CFAP92: variants seen among roughly 807,000 people sequenced by gnomAD.
CFAP92 encodes uncharacterized protein CFAP92.
Under a neutral mutation model 106.3 loss-of-function variants are expected in CFAP92, and 86 were observed. That is an observed-to-expected ratio of 0.81 (90% confidence interval 0.68 to 0.97). The LOEUF is 0.97. Among genes scored for constraint, CFAP92 ranks in the 50% least tolerant of loss-of-function variants. CFAP92 has a pLI of 0.00. For missense variants in CFAP92, 1,204 were observed against 1,283.8 expected (o/e 0.94, Z 0.95); for synonymous variants, 477 against 506.4 (o/e 0.94, Z 0.78).
intron 10 of CFAP92, among the ~76,000 whole-genome samples, chr3:128,935,752 G>A (rs1938942188): frequency 6.6e-6 from 1 of 152,140 alleles, no homozygotes; most frequent in Non-Finnish European, 1.5e-5. Context: ...CAGGCAGGTG[G>A]AGGCTGCAGC....
At chr3:129,000,017 T>C (rs760365094) in intron 1 of CFAP92, among the ~76,000 whole-genome samples, 3 of 152,224 alleles carry the variant, frequency 2.0e-5, no homozygotes, top group Non-Finnish European at 4.4e-5. Context: ...TTGTTCTTGT[T>C]ATGTAAGCAT....
chr3:128,988,122 G>T (rs575586207), intron 3 of CFAP92, among the ~76,000 whole-genome samples: 5 of 152,282 alleles, frequency 3.3e-5, no homozygotes, highest in Non-Finnish European at 5.9e-5. Flanking sequence ...GAGTGTGTGT[G>T]TGCAGGTAGT....
At position 128,971,365 on chromosome 3, in the gene CFAP92, C is replaced by T. The variant is rs1378550333; in HGVS notation, c.1090G>A (p.Glu364Lys). 9 of 1,613,370 alleles carry T rather than the reference C, an allele frequency of 5.6e-6. No homozygotes were observed. The highest frequency in any genetic ancestry group is 1.1e-5 in the South Asian group (1 of 91,024). ...GGGCCTGTCAGCGTGGGGTCTGCCT[C>T]TTCTTCTGCCAGGGGCTTCTTATGT... ...RRHKKPLAEE[E>K]ADPTLTGPRK... Residue 364 changes from glutamate to lysine, a missense_variant, in exon 8 of 16, where the codon GAG becomes AAG. Glu to Lys is a moderately conservative substitution (Grantham distance 56). Coordinates refer to ENST00000645291, the MANE Select transcript of CFAP92 (RefSeq NM_001394090.1).
At chr3:128,971,202 G>C in intron 8 of CFAP92, 85 bp downstream of exon 8, 1 of 1,601,638 alleles carries the variant, frequency 6.2e-7, no homozygotes. Context: ...GCACGCAGCA[G>C]GGTTGTCATT....
In CFAP92 at chr3:128,916,181, C is replaced by T. The variant is rs571085668; in HGVS notation, c.2842G>A (p.Val948Ile). Residue 948 changes from valine to isoleucine, a missense_variant, in exon 13 of 16, where the codon GTC (valine) becomes ATC (isoleucine). Coordinates refer to ENST00000645291, the MANE Select transcript of CFAP92 (RefSeq NM_001394090.1). ...ATGGTCTGGGTACTATAGTTGTAGA[C>T]GGCCTTGTTGGCAGGGGCTGAAATT... is the stretch of plus-strand genomic sequence containing the variant. ...IKISAPANKA[V>I]YNYSTQTMNS... is the part of the protein sequence containing the mutation. 2.4e-5 allele frequency: 29 copies of T among 1,231,994 alleles called. No homozygotes were observed. Among genetic ancestry groups the T allele is most frequent in the Middle Eastern group, 3.1e-4 (1 of 3,230 alleles). The allele number at this position is 1,231,994 out of a possible 1,614,324, so 76.3% of individuals were successfully genotyped here.
At position 128,943,197 on chromosome 3, in the gene CFAP92, C is replaced by T. The variant is rs1463281851; in HGVS notation, c.2258+1874G>A. Among the ~76,000 whole-genome samples the T allele has an allele frequency of 7.2e-5, 11 of 152,168 alleles. No individual in the cohort carries two copies. The East Asian group carries it at 1.6e-3, about 21-fold the overall frequency. ...CCTCCCAAAGTGCTGGGATTCCAGG[C>T]GTGAGCCACTGTGCCCGGCAAAACT... On this transcript the variant is annotated intron_variant, in intron 10 of 15. Coordinates refer to ENST00000645291, the MANE Select transcript of CFAP92 (RefSeq NM_001394090.1).
At chr3:128,910,883 C>A (rs904198884) in intron 15 of CFAP92, 66 of 1,559,292 alleles carry the variant, frequency 4.2e-5, no homozygotes, top group Non-Finnish European at 8.8e-6. Context: ...TGAGCTGTTT[C>A]TGGACCCTGT....
rs149683775 is a variant in CFAP92, at chr3:128,928,109, C to T, written c.2751+4591G>A. ...CTACTAAAAAATACAAAAAATTAGC[C>T]GGGAGTGGTGGCGGGTATGTGTAGT... On this transcript the variant is annotated intron_variant, in intron 12 of 15. Coordinates refer to ENST00000645291, the MANE Select transcript of CFAP92 (RefSeq NM_001394090.1). 2.6e-3 allele frequency among the ~76,000 whole-genome samples: 397 copies of T among 151,884 alleles called. 1 individual carries two copies. Among genetic ancestry groups the T allele is most frequent in the African/African-American group, 9.2e-3 (380 of 41,432 alleles).
intron 2 of CFAP92, chr3:128,991,706 A>G: frequency 1.0e-6 from 1 of 977,280 alleles, no homozygotes. Context: ...CAAGGCGTTC[A>G]TTGAAACAGC....
At chr3:128,964,140 AG>A (rs1224621280) in intron 9 of CFAP92, among the ~76,000 whole-genome samples, 10 of 152,218 alleles carry the variant, frequency 6.6e-5, no homozygotes, top group Non-Finnish European at 1.5e-4. Flanking sequence ...TCAGGCTCTT[AG>A]TAGGTTTCAG....
intron 11 of CFAP92, 131 bp from the exon 12 acceptor site, chr3:128,933,128 T>A: frequency 1.2e-6 from 1 of 814,944 alleles, no homozygotes; most frequent in Non-Finnish European, 1.9e-6. Flanking sequence ...AGCTTGTGAC[T>A]AAAGAGCTCC....
At chr3:129,002,249 TAGC>T in intron 1 of CFAP92, 1 of 1,531,224 alleles carries the variant, frequency 6.5e-7, no homozygotes, top group Non-Finnish European at 8.7e-7. Context: ...AGGAGGAGAA[TAGC>T]AGCTTGCGCG....
chr3:128,929,418 C>G (rs1217131576), intron 12 of CFAP92, among the ~76,000 whole-genome samples: 3 of 152,128 alleles, frequency 2.0e-5, no homozygotes, highest in Admixed American at 2.0e-4. Flanking sequence ...CAATTCCACT[C>G]CTAGGTTCTA....
At chr3:128,917,360 T>G (rs1337149422) in intron 12 of CFAP92, among the ~76,000 whole-genome samples, 3 of 152,212 alleles carry the variant, frequency 2.0e-5, no homozygotes, top group Non-Finnish European at 4.4e-5. Context: ...GGGGGACAGA[T>G]TCTTCTTTCC....
At chr3:128,967,900 A>G (rs1297933093) in intron 8 of CFAP92, 1 of 152,138 alleles carries the variant, frequency 6.6e-6, no homozygotes, top group African/African-American at 2.4e-5. Context: ...GCATTATGGC[A>G]TGTTTAACAG....
chr3:128,926,398 C>T (rs1210132357), intron 12 of CFAP92, among the ~76,000 whole-genome samples: 3 of 152,142 alleles, frequency 2.0e-5, no homozygotes, highest in African/African-American at 7.2e-5. Flanking sequence ...CCTGTAGTTC[C>T]AGCCACTCAG....
chr3:129,015,075 T>G, the CFAP92 span, among the ~76,000 whole-genome samples: 2 of 152,104 alleles, frequency 1.3e-5, no homozygotes, highest in East Asian at 3.9e-4. Context: ...GGTTAATCTT[T>G]TCAACACCCA....
chr3:128,940,262 T>G (rs1022132064), intron 10 of CFAP92, among the ~76,000 whole-genome samples: 23 of 152,312 alleles, frequency 1.5e-4, no homozygotes, highest in African/African-American at 5.1e-4. Flanking sequence ...GTTATAAACA[T>G]GAGTGTACAA....
At chr3:129,017,435 C>T in the CFAP92 span, among the ~76,000 whole-genome samples, 10 of 152,242 alleles carry the variant, frequency 6.6e-5, no homozygotes, top group Non-Finnish European at 1.3e-4. Flanking sequence ...TGGCGGGCTT[C>T]TCTGCACAAG....
Sources: gnomAD v4.1 joint callset for allele counts (sites outside exome capture counted in the v4.1 genomes callset) on GRCh38, gnomAD v4.1.1 for gene constraint, MANE v1.5 for transcripts, NCBI Gene and HGNC (gene_info 2026-07-23, HGNC 2026-07-21) for gene names.